ZDBF2: variants seen among roughly 807,000 people sequenced by gnomAD.
ZDBF2 encodes DBF4-type zinc finger-containing protein 2.
ZDBF2 carries 6 observed loss-of-function variants against 9.4 expected under a neutral mutation model. The ratio of observed to expected loss-of-function variants is 0.64; its 90% CI spans 0.35 to 1.27. The LOEUF is 1.27. Ranked by LOEUF, ZDBF2 falls within the 50% of genes most tolerant of loss-of-function variation. The pLI is 0.03. For synonymous variants in ZDBF2, 905 were observed against 946.3 expected, an observed-to-expected ratio of 0.96 and a Z score of 0.80; for missense variants, 2,697 against 2,766.8, an observed-to-expected ratio of 0.97 and a Z score of 0.57.
Position 206,305,994 on chromosome 2 carries a change from C to T in ZDBF2, c.1466C>T (p.Ser489Phe). Reference sequence around the variant, plus strand: ...AGCCTGGTTGACCAAAGCTATGAATCTAGTAGTTCTGAAACGAATTTTGAT... The same window carrying T: ...AGCCTGGTTGACCAAAGCTATGAATTTAGTAGTTCTGAAACGAATTTTGAT... ...HISLVDQSYE[S>F]SSSETNFDCD... The change falls in exon 5 of 5, where the codon TCT becomes TTT. Residue 489 changes from serine (S) to phenylalanine (F), a missense_variant. By Grantham distance (155) the Ser-to-Phe change is radical. Coordinates refer to ENST00000374423, the MANE Select transcript of ZDBF2 (RefSeq NM_020923.3). The T allele has an allele frequency of 1.2e-6, 2 of 1,613,256 alleles. No homozygotes were observed. Among genetic ancestry groups the T allele is most frequent in the Non-Finnish European group, 1.7e-6 (2 of 1,179,524 alleles).
intron 1 of ZDBF2, among the ~76,000 whole-genome samples, chr2:206,275,475 C>T (rs1004365866): frequency 1.3e-5 from 2 of 152,160 alleles, no homozygotes; most frequent in South Asian, 4.1e-4. Context: ...GTTAATGATT[C>T]TTTTACTACC....
chr2:206,312,115 T>C lies in ZDBF2; in HGVS notation c.*522T>C, dbSNP rs1304549529. The C allele has an allele frequency of 6.6e-6, 1 of 152,200 alleles. No homozygotes were observed. The highest frequency in any genetic ancestry group is 2.4e-5 in the African/African-American group (1 of 41,450). The allele number at this position is 152,200 out of a possible 1,614,324, so 9.4% of individuals were successfully genotyped here. On this transcript the variant is annotated 3_prime_UTR_variant, in exon 5 of 5. Coordinates refer to ENST00000374423, the MANE Select transcript of ZDBF2 (RefSeq NM_020923.3). ...AGTTTTTAAAAACTGGTGATTTTTT[T>C]TATGCATAGCACAAACTCCTCCTGC...
At chr2:206,281,217 A>G (rs1691300638) in intron 2 of ZDBF2, among the ~76,000 whole-genome samples, 1 of 152,150 alleles carries the variant, frequency 6.6e-6, no homozygotes, top group Non-Finnish European at 1.5e-5. Flanking sequence ...AATCCCTCCT[A>G]TTTATCTGGC....
At position 206,310,965 on chromosome 2, in the gene ZDBF2, T is replaced by C. The variant is rs1693145812; in HGVS notation, c.6437T>C (p.Phe2146Ser). Residue 2146 changes from phenylalanine (F) to serine (S), a missense_variant, in exon 5 of 5, where the codon TTC becomes TCC. Physicochemically the swap from Phe to Ser is radical, Grantham distance 155. Around this residue, in one of 3 missense-constraint regions of ZDBF2, gnomAD observed 1,783 missense variants for 1,776.5 expected, o/e 1.00. Coordinates refer to ENST00000374423, the MANE Select transcript of ZDBF2 (RefSeq NM_020923.3). ...HARELPKKRNFQLTFLNHDVV... is the reference protein window; with the variant it reads ...HARELPKKRNSQLTFLNHDVV... The stretch of plus-strand genomic sequence containing the variant: ...CGTGAGCTTCCAAAGAAAAGAAATT[T>C]CCAGCTAACATTTTTAAATCATGAT... The C allele has an allele frequency of 1.2e-6, 2 of 1,613,582 alleles. No individual in the cohort carries two copies. Among genetic ancestry groups the C allele is most frequent in the South Asian group, 2.2e-5 (2 of 90,978 alleles).
At chr2:206,297,899 TCGAATTCC>T (rs1692281178) in intron 4 of ZDBF2, among the ~76,000 whole-genome samples, 1 of 152,192 alleles carries the variant, frequency 6.6e-6, no homozygotes, top group African/African-American at 2.4e-5. Flanking sequence ...CAGGCTGGTC[TCGAATTCC>T]CGACCTCAGG....
At position 206,309,258 on chromosome 2, in the gene ZDBF2, T is replaced by C. The variant is rs751222819; in HGVS notation, c.4730T>C (p.Phe1577Ser). The C allele has an allele frequency of 1.7e-5, 27 of 1,610,054 alleles. No homozygotes were observed. Among genetic ancestry groups the C allele is most frequent in the Non-Finnish European group, 2.2e-5 (26 of 1,178,024 alleles). The change falls in exon 5 of 5, where the codon TTT becomes TCT. Residue 1577 changes from phenylalanine to serine, a missense_variant. By Grantham distance (155) the Phe-to-Ser change is radical. Around this residue, in one of 3 missense-constraint regions of ZDBF2, gnomAD observed 1,783 missense variants for 1,776.5 expected, o/e 1.00. Coordinates refer to ENST00000374423, the MANE Select transcript of ZDBF2 (RefSeq NM_020923.3). Reference protein sequence around the residue: ...CIDIEDKSCDFFGSEVRCNCK... With the variant: ...CIDIEDKSCDSFGSEVRCNCK... ...GATATAGAAGATAAGAGCTGTGACT[T>C]TTTTGGTTCTGAAGTCAGATGTAAT...
At chr2:206,289,482 CT>C (rs1691775092) in intron 3 of ZDBF2, among the ~76,000 whole-genome samples, 1 of 40,170 alleles carries the variant, frequency 2.5e-5, no homozygotes, top group Non-Finnish European at 8.9e-5. Flanking sequence ...GGCTTCACTT[CT>C]TCTTGGTTCT....
intron 4 of ZDBF2, 109 bp downstream of exon 4, chr2:206,297,482 A>G (rs1449688755): frequency 1.8e-6 from 2 of 1,129,242 alleles, no homozygotes; most frequent in Non-Finnish European, 2.4e-6. Flanking sequence ...CAAGGAATAT[A>G]AAGTAAAATT....
At chr2:206,294,098 A>G (rs1440210297) in intron 3 of ZDBF2, among the ~76,000 whole-genome samples, 2 of 152,218 alleles carry the variant, frequency 1.3e-5, no homozygotes, top group Non-Finnish European at 2.9e-5. Flanking sequence ...TGAATATCAC[A>G]TATATAATAT....
chr2:206,303,294 T>G lies in ZDBF2; in HGVS notation c.189-1423T>G, dbSNP rs1466244222. Among the ~76,000 whole-genome samples the G allele has an allele frequency of 2.6e-5, 4 of 152,070 alleles. No homozygotes were observed. In the East Asian group the frequency reaches 7.7e-4, roughly 29 times the overall value. On this transcript the variant is annotated intron_variant, in intron 4 of 4. Transcript: ENST00000374423. ...TATCTCTTTGAATTGTTATTATTTT[T>G]TATGTGTCTGCCTTCTGCAGCTACT...
At position 206,304,827 on chromosome 2, in the gene ZDBF2, A is replaced by G; in HGVS notation, c.299A>G (p.Glu100Gly). Residue 100 changes from glutamate to glycine, a missense_variant, in exon 5 of 5, where the codon GAG (glutamate) becomes GGG (glycine). Coordinates refer to ENST00000374423, the MANE Select transcript of ZDBF2 (RefSeq NM_020923.3). ...GAGGATGAGGATAAGGTTGAGGATGAGGATGCTACCGAAGAGAGACCATCC... is the reference window on the plus strand; with the variant it reads ...GAGGATGAGGATAAGGTTGAGGATGGGGATGCTACCGAAGAGAGACCATCC... ...EEEDEDKVEDEDATEERPSEV... is the reference protein window; with the variant it reads ...EEEDEDKVEDGDATEERPSEV... 6.2e-7 allele frequency: 1 copy of G among 1,613,756 alleles called. No homozygotes were observed. The highest frequency in any genetic ancestry group is 8.5e-7 in the Non-Finnish European group (1 of 1,179,764).
Position 206,297,278 on chromosome 2 carries a change from C to G in ZDBF2, c.93C>G (p.Thr31=). Reference sequence around the variant, plus strand: ...TCAGTGCTCAGCACAGGAGTTTGACCAGACAGAGTAGACGTCAAATATGTA... The same window carrying G: ...TCAGTGCTCAGCACAGGAGTTTGACGAGACAGAGTAGACGTCAAATATGTA... ...HLFSAQHRSL[T]RQSRRQICTS... Residue 31 remains threonine, a synonymous_variant, in exon 4 of 5, where the codon ACC becomes ACG. Coordinates refer to ENST00000374423, the MANE Select transcript of ZDBF2 (RefSeq NM_020923.3). 1 of 1,544,952 alleles carries G rather than the reference C, an allele frequency of 6.5e-7. No individual in the cohort carries two copies. Among genetic ancestry groups the G allele is most frequent in the South Asian group, 1.1e-5 (1 of 89,732 alleles).
At chr2:206,275,656 T>G (rs922138638) in intron 1 of ZDBF2, among the ~76,000 whole-genome samples, 6 of 151,860 alleles carry the variant, frequency 4.0e-5, no homozygotes, top group South Asian at 2.1e-4. Context: ...CACCCCCACC[T>G]AAAGGAAATA....
Position 206,305,044 on chromosome 2 carries a change from T to G in ZDBF2, c.516T>G (p.Asn172Lys). 1 of 1,613,778 alleles carries G rather than the reference T, an allele frequency of 6.2e-7. No homozygotes were observed. Among genetic ancestry groups the G allele is most frequent in the Admixed American group, 1.7e-5 (1 of 59,954 alleles). The change falls in exon 5 of 5, where the codon AAT (asparagine) becomes AAG (lysine). Residue 172 changes from asparagine (N) to lysine (K), a missense_variant. This residue lies in a region of ZDBF2 where 910 missense variants were observed against 973.6 expected (regional missense o/e 0.93). Transcript: ENST00000374423. ...TAGTAGATATTGGTCAGGCTACAAA[T>G]AATAGAAGCAACTTGGTACGCCCCC... is the stretch of plus-strand genomic sequence containing the variant. ...CNLVDIGQAT[N>K]NRSNLVRPPV...
Position 206,308,917 on chromosome 2 carries a change from G to T in ZDBF2, c.4389G>T (p.Gln1463His). The part of the protein sequence containing the change: ...EIKCHSCVHL[Q>H]SEVDQPQVSY... ...AATGTCATTCTTGTGTTCATCTTCA[G>T]TCAGAAGTTGACCAACCTCAAGTGT... is the stretch of plus-strand genomic sequence containing the variant. The change falls in exon 5 of 5, where the codon CAG (glutamine) becomes CAT (histidine). Residue 1463 changes from glutamine (Q) to histidine (H), a missense_variant. Physicochemically the swap from Gln to His is conservative, Grantham distance 24 (BLOSUM62 0). This residue lies in a region of ZDBF2 where 1,783 missense variants were observed against 1,776.5 expected (regional missense o/e 1.00). Coordinates refer to ENST00000374423, the MANE Select transcript of ZDBF2 (RefSeq NM_020923.3). 6.2e-7 allele frequency: 1 copy of T among 1,612,986 alleles called. No individual in the cohort carries two copies. The highest frequency in any genetic ancestry group is 8.5e-7 in the Non-Finnish European group (1 of 1,179,400).
chr2:206,281,791 T>G lies in ZDBF2; in HGVS notation c.-49-10T>G, dbSNP rs1691332091. On this transcript the variant is annotated splice_polypyrimidine_tract_variant and intron_variant, in intron 2 of 4. Transcript: ENST00000374423. ...TTATGATTTTTACCATTTTTCTTTT[T>G]GTTTTTCAGCTTGAGTATTCAAAGA... 6 of 1,525,966 alleles carry G rather than the reference T, an allele frequency of 3.9e-6. No individual in the cohort carries two copies. Among genetic ancestry groups the G allele is most frequent in the Non-Finnish European group, 5.4e-6 (6 of 1,111,036 alleles). The allele number at this position is 1,525,966 out of a possible 1,614,324, so 94.5% of individuals were successfully genotyped here. A position where few individuals can be genotyped will look rare whatever the true frequency, so the allele number is the denominator to read the frequency against.
intron 3 of ZDBF2, chr2:206,292,091 A>G (rs1175893972): frequency 2.5e-6 from 1 of 398,308 alleles, no homozygotes; most frequent in Non-Finnish European, 4.4e-6. Flanking sequence ...TCAGAGATAC[A>G]GGAAGTAATG....
In ZDBF2 at chr2:206,306,142, A is replaced by G; in HGVS notation, c.1614A>G (p.Val538=). 1 of 1,613,830 alleles carries G rather than the reference A, an allele frequency of 6.2e-7. No homozygotes were observed. The highest frequency in any genetic ancestry group is 8.5e-7 in the Non-Finnish European group (1 of 1,179,806). Residue 538 remains valine (V), a synonymous_variant, in exon 5 of 5, where the codon GTA becomes GTG. Coordinates refer to ENST00000374423, the MANE Select transcript of ZDBF2 (RefSeq NM_020923.3). ...DKNYGSSSSE[V]SADSVFPLQS... is the part of the protein sequence containing the mutation. ...ACTATGGTTCCAGTAGCTCTGAAGTAAGTGCTGATTCTGTTTTCCCACTGC... is the reference window on the plus strand; with the variant it reads ...ACTATGGTTCCAGTAGCTCTGAAGTGAGTGCTGATTCTGTTTTCCCACTGC...
intron 3 of ZDBF2, chr2:206,292,179 T>A (rs1462938454): frequency 2.5e-6 from 1 of 397,918 alleles, no homozygotes; most frequent in African/African-American, 2.1e-5. Context: ...CAATGGCATA[T>A]AAATTGGGAG....
Sources: gnomAD v4.1 joint callset for allele counts (sites outside exome capture counted in the v4.1 genomes callset) on GRCh38, gnomAD v4.1.1 for gene constraint, gnomAD v4.1.1 regional missense constraint, MANE v1.5 for transcripts, NCBI Gene and HGNC (gene_info 2026-07-23, HGNC 2026-07-21) for gene names.